The following MTFR1 variants were observed in gnomAD, a reference collection of about 807,000 sequenced individuals.
The protein encoded by MTFR1 is mitochondrial fission regulator 1.
Under a neutral mutation model 38.8 loss-of-function variants are expected in MTFR1, and 28 were observed. The ratio of observed to expected loss-of-function variants is 0.72; its 90% confidence interval spans 0.53 to 0.99. The LOEUF is 0.99. MTFR1 is among the 50% of genes least tolerant of loss of function. The probability of loss-of-function intolerance (pLI) is 0.00; values close to 1 mark genes in which losing one functional copy is unlikely to be tolerated. For missense variants in MTFR1, 358 were observed against 395.5 expected (o/e 0.91, Z 0.81); for synonymous variants, 145 against 137.0 (o/e 1.06, Z -0.41).
chr8:65,692,039 T>A (rs777478239), intron 3 of MTFR1, among the ~76,000 whole-genome samples: 8 of 152,242 alleles, frequency 5.3e-5, no homozygotes, highest in Non-Finnish European at 1.0e-4. Context: ...TTGGCAATGA[T>A]GGCATTGAGG....
chr8:65,739,171 A>G (rs1409074359), intron 3 of MTFR1, among the ~76,000 whole-genome samples: 1 of 152,234 alleles, frequency 6.6e-6, no homozygotes, highest in Non-Finnish European at 1.5e-5. Context: ...TTATGGTGCC[A>G]AACTCCTCTG....
chr8:65,721,588 T>C (rs1806378450), intron 3 of MTFR1, among the ~76,000 whole-genome samples: 1 of 152,116 alleles, frequency 6.6e-6, no homozygotes, highest in Non-Finnish European at 1.5e-5. Flanking sequence ...TCTAGATCTG[T>C]ACAACACTGA....
At chr8:65,647,881 G>T (rs967613656) in intron 1 of MTFR1, among the ~76,000 whole-genome samples, 2 of 151,870 alleles carry the variant, frequency 1.3e-5, no homozygotes, top group African/African-American at 4.8e-5. Flanking sequence ...AACAGTTTTA[G>T]TTAACATTTA....
chr8:65,663,529 TAAAA>T (rs377759904), intron 1 of MTFR1, among the ~76,000 whole-genome samples: 9 of 123,320 alleles, frequency 7.3e-5, no homozygotes, highest in South Asian at 2.6e-4. Flanking sequence ...ATGATCAATT[TAAAA>T]AAAAAAAAAA....
At chr8:65,729,489 A>G (rs1483587916) in intron 3 of MTFR1, among the ~76,000 whole-genome samples, 1 of 149,626 alleles carries the variant, frequency 6.7e-6, no homozygotes, top group African/African-American at 2.5e-5. Flanking sequence ...ACTATCATGG[A>G]GGAGAGCAGT....
At chr8:65,750,514 CTGTG>C (rs1300141964) in intron 3 of MTFR1, among the ~76,000 whole-genome samples, 2 of 101,020 alleles carry the variant, frequency 2.0e-5, no homozygotes, top group Non-Finnish European at 4.5e-5. Flanking sequence ...CTGTGTGTGT[CTGTG>C]TGTGTGTGAG....
intron 3 of MTFR1, among the ~76,000 whole-genome samples, chr8:65,765,357 C>T (rs1030995656): frequency 3.3e-5 from 5 of 149,550 alleles, no homozygotes; most frequent in Non-Finnish European, 7.5e-5. Flanking sequence ...GGCGTAGTGG[C>T]GGGCGCCTGT....
At chr8:65,724,332 T>C (rs753483246) in intron 3 of MTFR1, 1 of 1,612,220 alleles carries the variant, frequency 6.2e-7, no homozygotes. Flanking sequence ...GTTACAAATA[T>C]CAGCACATTT....
At chr8:65,736,244 C>G (rs1257697666) in intron 3 of MTFR1, among the ~76,000 whole-genome samples, 1 of 152,128 alleles carries the variant, frequency 6.6e-6, no homozygotes, top group African/African-American at 2.4e-5. Flanking sequence ...GATCTGATAA[C>G]CAACACGGTT....
chr8:65,739,341 C>T (rs915648427), intron 3 of MTFR1, among the ~76,000 whole-genome samples: 2 of 152,126 alleles, frequency 1.3e-5, no homozygotes, highest in Non-Finnish European at 2.9e-5. Context: ...ATTTAACAGC[C>T]CCACAGATGC....
At chr8:65,663,822 CTTTTTTTTT>C (rs1035579864) in intron 1 of MTFR1, among the ~76,000 whole-genome samples, 2 of 78,578 alleles carry the variant, frequency 2.5e-5, no homozygotes, top group Non-Finnish European at 5.0e-5. Flanking sequence ...AATTTCTTTT[CTTTTTTTTT>C]TTTTTTTTTT....
At chr8:65,671,304 A>G (rs1804563168) in intron 2 of MTFR1, among the ~76,000 whole-genome samples, 1 of 152,138 alleles carries the variant, frequency 6.6e-6, no homozygotes, top group Non-Finnish European at 1.5e-5. Context: ...AGACAGAGGC[A>G]GGAGGATGGC....
intron 4 of MTFR1, among the ~76,000 whole-genome samples, chr8:65,700,349 TAAAAAA>T (rs551471575): frequency 9.4e-6 from 1 of 106,804 alleles, no homozygotes; most frequent in Non-Finnish European, 1.9e-5. Flanking sequence ...AGACCTATCT[TAAAAAA>T]AAAAAAAAAA....
At chr8:65,662,030 T>C (rs1465320510) in intron 1 of MTFR1, among the ~76,000 whole-genome samples, 7 of 89,070 alleles carry the variant, frequency 7.9e-5, no homozygotes, top group African/African-American at 1.5e-4. Flanking sequence ...CCTCTCTCTC[T>C]CCCTCTCTCT....
chr8:65,724,956 A>G, intron 3 of MTFR1: 1 of 1,406,430 alleles, frequency 7.1e-7, no homozygotes, highest in Non-Finnish European at 9.8e-7. Flanking sequence ...AAAATATAAG[A>G]CTTTCAATTA....
intron 3 of MTFR1, among the ~76,000 whole-genome samples, chr8:65,721,280 T>C (rs1365473280): frequency 6.6e-6 from 1 of 152,230 alleles, no homozygotes; most frequent in African/African-American, 2.4e-5. Flanking sequence ...ATTTTCTTGT[T>C]CAACAAAATT....
At chr8:65,736,884 G>C (rs116037751) in intron 3 of MTFR1, among the ~76,000 whole-genome samples, 4,614 of 123,176 alleles carry the variant, frequency 0.037, 259 homozygotes, top group African/African-American at 0.13. Context: ...TCTTGGTATT[G>C]AGGCTTTTTT....
At chr8:65,775,445 G>A (rs924588107), downstream of MTFR1, among the ~76,000 whole-genome samples, 26 of 152,292 alleles carry the variant, frequency 1.7e-4, no homozygotes, top group African/African-American at 5.8e-4. Context: ...TGCATTAGCT[G>A]AATTTCATAG....
downstream of MTFR1, among the ~76,000 whole-genome samples, chr8:65,711,719 A>G (rs1476837749): frequency 6.6e-6 from 1 of 152,226 alleles, no homozygotes; most frequent in East Asian, 1.9e-4. Context: ...TAAAAATAGC[A>G]TAACCAAGTA....
Sources: allele counts gnomAD v4.1 joint callset (sites outside exome capture counted in the v4.1 genomes callset), GRCh38; gene constraint gnomAD v4.1.1; transcripts MANE v1.5; gene names NCBI Gene and HGNC (gene_info 2026-07-23, HGNC 2026-07-21).